NFXL1: variants seen among roughly 807,000 people sequenced by gnomAD.
The protein encoded by NFXL1 is nuclear transcription factor, X-box binding like 1, also known as NF-X1-type zinc finger protein NFXL1.
A neutral mutation model predicts 123.3 loss-of-function variants in NFXL1; 66 were observed. The observed-to-expected ratio is 0.54, with a 90% CI of 0.44 to 0.66. The LOEUF (loss-of-function observed/expected upper bound fraction) is 0.66, where lower values mean the gene tolerates loss of function less well. Ranked by LOEUF, NFXL1 falls within the 30% of genes least tolerant of loss-of-function variation. The pLI is 0.00. For missense variants in NFXL1, 944 were observed against 1,125.6 expected (o/e 0.84, Z 2.31); for synonymous variants, 346 against 360.8 (o/e 0.96, Z 0.46).
At chr4:47,913,869 G>T in intron 2 of NFXL1, 100 bp downstream of exon 2, 1 of 767,908 alleles carries the variant, frequency 1.3e-6, no homozygotes, top group Non-Finnish European at 2.0e-6. Context: ...CGAACGAGGG[G>T]AAAAGCAGTG....
intron 12 of NFXL1, among the ~76,000 whole-genome samples, chr4:47,888,557 AC>A (rs1268812679): frequency 7.6e-6 from 1 of 131,550 alleles, no homozygotes; most frequent in African/African-American, 2.8e-5. Flanking sequence ...AACAAAACAA[AC>A]AAAAAAACAC....
chr4:47,864,839 T>G lies in NFXL1; in HGVS notation c.2247-1924A>C, dbSNP rs1734959848. Among the ~76,000 whole-genome samples, 5 of 152,332 alleles carry G rather than the reference T, an allele frequency of 3.3e-5. No homozygotes were observed. The South Asian group carries it at 8.3e-4, about 25-fold the overall frequency. The stretch of plus-strand genomic sequence containing the variant: ...TGCAATATCCTTTATAATAAACCAG[T>G]AAACATAAGTTAAGTTTTTCTCTGA... On this transcript the variant is annotated intron_variant, in intron 18 of 22. Coordinates refer to ENST00000507489, the MANE Select transcript of NFXL1 (RefSeq NM_001278624.2).
chr4:47,853,719 A>G (rs1253023952), intron 20 of NFXL1, among the ~76,000 whole-genome samples: 1 of 152,136 alleles, frequency 6.6e-6, no homozygotes, highest in East Asian at 1.9e-4. Context: ...GCACTTAAGT[A>G]ACAGATTCAC....
Position 47,885,972 on chromosome 4 carries a change from ACG to A in NFXL1, c.1569_1570del (p.Val524ArgfsTer5). The A allele has an allele frequency of 6.2e-7, 1 of 1,613,630 alleles. No individual in the cohort carries two copies. The highest frequency in any genetic ancestry group is 8.5e-7 in the Non-Finnish European group (1 of 1,179,748). ...ATTGCCACAATTACACTTCACATCT[ACG>A]GTTTCTGGGCAGGGATAGCAACTGC... On this transcript the variant is annotated frameshift_variant, in exon 13 of 23. Coordinates refer to ENST00000507489, the MANE Select transcript of NFXL1 (RefSeq NM_001278624.2). LOFTEE classifies it high-confidence loss of function.
chr4:47,855,979 T>C (rs1165418029), intron 19 of NFXL1, among the ~76,000 whole-genome samples: 1 of 152,192 alleles, frequency 6.6e-6, no homozygotes, highest in Non-Finnish European at 1.5e-5. Context: ...CATAAATACA[T>C]AATAGTAGTT....
At chr4:47,883,170 G>C (rs543557130) in intron 15 of NFXL1, among the ~76,000 whole-genome samples, 2 of 151,988 alleles carry the variant, frequency 1.3e-5, no homozygotes, top group Admixed American at 1.3e-4. Flanking sequence ...TCTTGAACCT[G>C]GAAAGAGAAG....
Position 47,905,254 on chromosome 4 carries a change from C to T in NFXL1, c.499G>A (p.Val167Met), listed in dbSNP as rs763330922. 5 of 1,541,438 alleles carry T rather than the reference C, an allele frequency of 3.2e-6. No individual in the cohort carries two copies. Among genetic ancestry groups the T allele is most frequent in the Non-Finnish European group, 3.6e-6 (4 of 1,119,248 alleles). ...AMTCLICIASVKRNQAVWSCS... is the reference protein window; with the variant it reads ...AMTCLICIASMKRNQAVWSCS... ...AAACTTACTGCTTGGTTTCTCTTCACCGAAGCAATACAAATTAGGCATGTC... is the reference window on the plus strand; with the variant it reads ...AAACTTACTGCTTGGTTTCTCTTCATCGAAGCAATACAAATTAGGCATGTC... Residue 167 changes from valine (V) to methionine (M), a missense_variant, in exon 4 of 23, where the codon GTG becomes ATG. Transcript: ENST00000507489.
chr4:47,914,159 G>T lies in NFXL1; in HGVS notation c.45C>A (p.Ser15=), dbSNP rs766230240. 2.6e-6 allele frequency: 4 copies of T among 1,546,188 alleles called. No homozygotes were observed. The highest frequency in any genetic ancestry group is 3.5e-6 in the Non-Finnish European group (4 of 1,144,360). ...WRQVAGGRGR[S]RGRATAAPSG... The stretch of plus-strand genomic sequence containing the variant: ...AGGGGGCGGCAGTGGCCCGTCCCCG[G>T]GATCGGCCTCGGCCACCGGCCACCT... The change falls in exon 2 of 23, where the codon TCC becomes TCA. Residue 15 remains serine, a synonymous_variant. Transcript: ENST00000507489.
Position 47,847,963 on chromosome 4 carries a change from CT to C in NFXL1, c.*199del. On this transcript the variant is annotated 3_prime_UTR_variant, in exon 23 of 23. Transcript: ENST00000507489. ...TATTTTAGTTTCAGTCATGCCTTCA[CT>C]TTAAAACAGTATTATACTGCCCTTT... 3.6e-6 allele frequency: 1 copy of C among 279,766 alleles called. No homozygotes were observed. Among genetic ancestry groups the C allele is most frequent in the East Asian group, 4.8e-5 (1 of 20,768 alleles). The allele number at this position is 279,766 out of a possible 1,614,324, so 17.3% of individuals were successfully genotyped here.
intron 3 of NFXL1, 122 bp downstream of exon 3, chr4:47,910,702 A>G (rs1737788316): frequency 5.8e-6 from 3 of 515,910 alleles, no homozygotes; most frequent in Non-Finnish European, 9.9e-6. Context: ...ATTCAACTCT[A>G]TAACATACAG....
intron 6 of NFXL1, 83 bp from the exon 7 acceptor site, chr4:47,899,203 A>G: frequency 2.9e-6 from 4 of 1,377,646 alleles, no homozygotes; most frequent in South Asian, 3.0e-5. Flanking sequence ...ACACCTATCA[A>G]TAATTTCTAG....
chr4:47,911,359 T>G (rs999155014), intron 2 of NFXL1, among the ~76,000 whole-genome samples: 4 of 152,224 alleles, frequency 2.6e-5, no homozygotes, highest in African/African-American at 4.8e-5. Flanking sequence ...CACAGTAATT[T>G]TTAAGAAGTG....
chr4:47,870,550 C>G (rs1378503803), intron 18 of NFXL1, among the ~76,000 whole-genome samples: 1 of 151,742 alleles, frequency 6.6e-6, no homozygotes, highest in African/African-American at 2.4e-5. Flanking sequence ...TAGGAGATGA[C>G]AGAAATCCAT....
chr4:47,855,672 T>TG (rs1277749578), intron 19 of NFXL1, among the ~76,000 whole-genome samples: 3 of 151,962 alleles, frequency 2.0e-5, no homozygotes, highest in African/African-American at 4.8e-5. Flanking sequence ...TACTGCACTG[T>TG]GGGAAAAAAA....
chr4:47,862,908 T>C lies in NFXL1; in HGVS notation c.2254A>G (p.Thr752Ala). 6.4e-7 allele frequency: 1 copy of C among 1,559,844 alleles called. No individual in the cohort carries two copies. Among genetic ancestry groups the C allele is most frequent in the Non-Finnish European group, 8.7e-7 (1 of 1,155,540 alleles). ...TSLYVECRKI[T>A]TADVNEKNLL... ...TTCTTTTCATTTACATCAGCTGTGG[T>C]TATTTTTCTAAAAATAAGAAAGTTG... Residue 752 changes from threonine to alanine, a missense_variant, in exon 19 of 23, where the codon ACC becomes GCC. By Grantham distance (58) the Thr-to-Ala change is moderately conservative (BLOSUM62 0). Transcript: ENST00000507489.
intron 18 of NFXL1, among the ~76,000 whole-genome samples, chr4:47,864,355 T>C (rs1248868028): frequency 6.6e-6 from 1 of 152,170 alleles, no homozygotes; most frequent in Non-Finnish European, 1.5e-5. Flanking sequence ...CCCTGTTATT[T>C]TTCCCCAAGG....
At chr4:47,850,895 T>C (rs1407311175) in intron 22 of NFXL1, among the ~76,000 whole-genome samples, 200 bp downstream of exon 22, 1 of 152,060 alleles carries the variant, frequency 6.6e-6, no homozygotes, top group Non-Finnish European at 1.5e-5. Flanking sequence ...TTTGGGAATA[T>C]ATGAGATCTC....
At chr4:47,900,770 T>C (rs1737323198) in intron 5 of NFXL1, among the ~76,000 whole-genome samples, 1 of 152,236 alleles carries the variant, frequency 6.6e-6, no homozygotes, top group South Asian at 2.1e-4. Context: ...TTGTATCATA[T>C]ACAAAATATT....
At chr4:47,851,025 A>C in intron 22 of NFXL1, 70 bp downstream of exon 22, 473 of 1,135,726 alleles carry the variant, frequency 4.2e-4, no homozygotes, top group Non-Finnish European at 5.9e-4. Flanking sequence ...ACCTTGGAAT[A>C]TACCCCGTGT....
Sources: allele counts gnomAD v4.1 joint callset (sites outside exome capture counted in the v4.1 genomes callset), GRCh38; gene constraint gnomAD v4.1.1; transcripts MANE v1.5; gene names NCBI Gene and HGNC (gene_info 2026-07-23, HGNC 2026-07-21).